Variants in TBL1X observed in about 807,000 individuals in gnomAD.
The protein encoded by TBL1X is F-box-like/WD repeat-containing protein TBL1X.
TBL1X carries 10 observed loss-of-function variants against 50.7 expected under a neutral mutation model. That is an observed-to-expected ratio of 0.20 (90% confidence interval 0.12 to 0.33). The LOEUF (loss-of-function observed/expected upper bound fraction) is 0.33, where lower values mean the gene tolerates loss of function less well. Ranked by LOEUF, TBL1X falls within the 10% of genes least tolerant of loss-of-function variation. TBL1X has a pLI of 1.00. For missense variants in TBL1X, 340 were observed against 504.4 expected (o/e 0.67, Z 3.12); for synonymous variants, 190 against 214.7 (o/e 0.88, Z 1.01).
chrX:9,668,355 A>G (rs2082942572), intron 5 of TBL1X, among the ~76,000 whole-genome samples: 1 of 107,670 alleles, frequency 9.3e-6, no homozygotes, highest in Admixed American at 9.9e-5. Context: ...AAGTTTAGAA[A>G]TTGTGCCATT....
At chrX:9,601,810 G>A (rs6530306) in intron 2 of TBL1X, among the ~76,000 whole-genome samples, 1,683 of 111,952 alleles carry the variant, frequency 0.015, 33 homozygotes, top group African/African-American at 0.052. Context: ...CAGCACTTTG[G>A]GAGGCAAATC....
intron 2 of TBL1X, among the ~76,000 whole-genome samples, chrX:9,586,657 A>G (rs2147026255): frequency 8.9e-6 from 1 of 112,393 alleles, no homozygotes; most frequent in Non-Finnish European, 1.9e-5. Flanking sequence ...TTCCAGGGCT[A>G]TGGGAGGCTC....
intron 2 of TBL1X, among the ~76,000 whole-genome samples, chrX:9,577,049 A>C (rs953817948): frequency 1.8e-5 from 2 of 111,575 alleles, no homozygotes; most frequent in Non-Finnish European, 3.8e-5. Context: ...AAACCAAAAA[A>C]GAGGTATCCT....
chrX:9,539,973 G>T (rs1052610837), intron 2 of TBL1X, among the ~76,000 whole-genome samples: 4 of 112,692 alleles, frequency 3.5e-5, no homozygotes, highest in Non-Finnish European at 7.5e-5. Flanking sequence ...ATTCATAGTT[G>T]CAGGCAGAAC....
At chrX:9,531,340 C>A (rs970200862) in intron 2 of TBL1X, among the ~76,000 whole-genome samples, 5 of 88,572 alleles carry the variant, frequency 5.6e-5, no homozygotes, top group African/African-American at 8.2e-5. Flanking sequence ...CTTTTTTGAA[C>A]TAAGAACCTG....
intron 2 of TBL1X, among the ~76,000 whole-genome samples, chrX:9,530,306 T>C (rs957489516): frequency 2.7e-5 from 3 of 112,387 alleles, no homozygotes; most frequent in Non-Finnish European, 3.8e-5. Flanking sequence ...CAGAAAATTT[T>C]GTTTAATTAT....
At chrX:9,565,294 T>C (rs868303330) in intron 2 of TBL1X, among the ~76,000 whole-genome samples, 2 of 49,134 alleles carry the variant, frequency 4.1e-5, no homozygotes, top group Non-Finnish European at 4.2e-5. Context: ...AAAAAAAAAA[T>C]CATAATCATA....
At position 9,693,416 on chromosome X, in the gene TBL1X, C is replaced by G; in HGVS notation, c.1050C>G (p.Asp350Glu). 2 of 1,200,175 alleles carry G rather than the reference C, an allele frequency of 1.7e-6. No individual in the cohort carries two copies. Among genetic ancestry groups the G allele is most frequent in the Non-Finnish European group, 2.3e-6 (2 of 886,371 alleles). Residue 350 changes from aspartate to glutamate, a missense_variant, in exon 11 of 18, where the codon GAC (aspartate) becomes GAG (glutamate). Transcript: ENST00000645353. ...ATTACATTTTGAGTGCTGGTGTAGA[C>G]AAAGTGAGTATTAGCTGAAAATACA... ...KGNYILSAGV[D>E]KTTIIWDAHT...
chrX:9,558,555 T>C (rs1483752771), intron 2 of TBL1X, among the ~76,000 whole-genome samples: 1 of 109,838 alleles, frequency 9.1e-6, no homozygotes, highest in East Asian at 2.8e-4. Context: ...TATATATATA[T>C]GTATATAAAA....
chrX:9,514,680 G>A (rs1354893205), intron 2 of TBL1X, among the ~76,000 whole-genome samples: 1 of 112,303 alleles, frequency 8.9e-6, no homozygotes, highest in Non-Finnish European at 1.9e-5. Context: ...CAAGGGGAGT[G>A]GCTTCTCACA....
chrX:9,691,832 G>A lies in TBL1X; in HGVS notation c.749+121G>A, dbSNP rs966470308. Reference sequence around the variant, plus strand: ...CTCCCCTTCTTACCCCGGTGTGTGGGCAGACCAAGGAATGGGTGGCTCTAT... The same window carrying A: ...CTCCCCTTCTTACCCCGGTGTGTGGACAGACCAAGGAATGGGTGGCTCTAT... On this transcript the variant is annotated intron_variant, in intron 8 of 17. Coordinates refer to ENST00000645353, the MANE Select transcript of TBL1X (RefSeq NM_005647.4). 8.2e-6 allele frequency: 8 copies of A among 979,102 alleles called. No individual in the cohort carries two copies. In the African/African-American group the frequency reaches 1.4e-4, roughly 17 times the overall value. 80.7% of individuals were successfully genotyped at this position (979,102 alleles called of 1,213,427 possible). A position where few individuals can be genotyped will look rare whatever the true frequency, so the allele number is the denominator to read the frequency against.
In TBL1X at chrX:9,581,571, G is replaced by C. The variant is rs2082442388; in HGVS notation, c.-130-58702G>C. Reference sequence around the variant, plus strand: ...GGGGGATGCTGTTGGCTAGTGGGTGGAGCCCTGGGATGCTGCTAACATCCC... The same window carrying C: ...GGGGGATGCTGTTGGCTAGTGGGTGCAGCCCTGGGATGCTGCTAACATCCC... On this transcript the variant is annotated intron_variant, in intron 2 of 17. Coordinates refer to ENST00000645353, the MANE Select transcript of TBL1X (RefSeq NM_005647.4). 2.7e-5 allele frequency among the ~76,000 whole-genome samples: 3 copies of C among 111,747 alleles called. No individual in the cohort carries two copies. In the Admixed American group the frequency reaches 2.8e-4, roughly 11 times the overall value.
At chrX:9,584,315 C>T (rs748210604) in intron 2 of TBL1X, among the ~76,000 whole-genome samples, 90 of 112,210 alleles carry the variant, frequency 8.0e-4, no homozygotes, top group African/African-American at 1.7e-3. Context: ...CCACAGTGAA[C>T]GTGTTAGATT....
chrX:9,687,492 C>T (rs140779199), intron 6 of TBL1X, among the ~76,000 whole-genome samples: 37 of 111,172 alleles, frequency 3.3e-4, no homozygotes, highest in African/African-American at 9.5e-4. Flanking sequence ...TCTTCTCCAC[C>T]GCAGCACTCA....
chrX:9,603,705 G>T (rs955227911), intron 2 of TBL1X, among the ~76,000 whole-genome samples: 4 of 111,643 alleles, frequency 3.6e-5, no homozygotes, highest in African/African-American at 1.3e-4. Flanking sequence ...CTGTAGCAAC[G>T]TGCCACCAAC....
At chrX:9,692,398 A>G in intron 9 of TBL1X, 144 bp downstream of exon 9, 1 of 760,682 alleles carries the variant, frequency 1.3e-6, no homozygotes, top group Non-Finnish European at 1.8e-6. Context: ...GCTGCCAGAG[A>G]GGTGTTCTTG....
At chrX:9,482,139 A>C (rs866039413) in intron 1 of TBL1X, among the ~76,000 whole-genome samples, 2 of 106,846 alleles carry the variant, frequency 1.9e-5, no homozygotes, top group Non-Finnish European at 3.9e-5. Flanking sequence ...TACAAGTCCC[A>C]AACTAATGCT....
In TBL1X at chrX:9,671,886, G is replaced by C. The variant is rs990362066; in HGVS notation, c.212-12157G>C. On this transcript the variant is annotated intron_variant, in intron 5 of 17. Transcript: ENST00000645353. ...AACCATTTACAGTAGCAAAATGCAG[G>C]AATCCAGAAGTTCTTACATTCCAGA... Among the ~76,000 whole-genome samples the C allele has an allele frequency of 5.3e-5, 6 of 112,412 alleles. 1 individual carries two copies. Among genetic ancestry groups the C allele is most frequent in the African/African-American group, 6.5e-5 (2 of 30,905 alleles).
intron 6 of TBL1X, 128 bp from the exon 7 acceptor site, chrX:9,687,889 C>T (rs956824109): frequency 2.8e-5 from 30 of 1,080,712 alleles, no homozygotes; most frequent in Non-Finnish European, 3.4e-5. Flanking sequence ...CCCCCGTGGC[C>T]CCCTGGTTGC....
Sources: gnomAD v4.1 joint callset for allele counts (sites outside exome capture counted in the v4.1 genomes callset) on GRCh38, gnomAD v4.1.1 for gene constraint, MANE v1.5 for transcripts, NCBI Gene and HGNC (gene_info 2026-07-23, HGNC 2026-07-21) for gene names.